Variants in SKIC3 observed in about 807,000 individuals in gnomAD.
SKIC3 encodes SKI3 subunit of superkiller complex.
the SKIC3 span, among the ~76,000 whole-genome samples, chr5:95,554,685 G>C: frequency 2.6e-5 from 4 of 152,158 alleles, no homozygotes; most frequent in African/African-American, 4.8e-5. Context: ...AAGGTATTCG[G>C]GGGGGTCTAA....
chr5:95,479,718 G>C, the SKIC3 span, among the ~76,000 whole-genome samples: 1 of 143,858 alleles, frequency 7.0e-6, no homozygotes, highest in Non-Finnish European at 1.5e-5. Flanking sequence ...TGTGTGTATA[G>C]TTCATTACTA....
At chr5:95,533,633 ACT>A in the SKIC3 span, among the ~76,000 whole-genome samples, 1 of 151,904 alleles carries the variant, frequency 6.6e-6, no homozygotes, top group Non-Finnish European at 1.5e-5. Context: ...CCACATATAC[ACT>A]CTTTTTGCTG....
chr5:95,554,127 C>T, the SKIC3 span, among the ~76,000 whole-genome samples: 1 of 152,202 alleles, frequency 6.6e-6, no homozygotes, highest in East Asian at 1.9e-4. Context: ...GCAGCAGATG[C>T]TCAGTAAATG....
the SKIC3 span, chr5:95,494,679 C>T: frequency 1.2e-5 from 19 of 1,612,466 alleles, no homozygotes; most frequent in Admixed American, 3.3e-5. Context: ...ATATTATATG[C>T]ACCTGGAGAA....
At chr5:95,467,852 A>C in the SKIC3 span, 1 of 1,613,384 alleles carries the variant, frequency 6.2e-7, no homozygotes, top group Admixed American at 1.7e-5. Flanking sequence ...TTTTAAATAA[A>C]ATCAATGCCT....
At chr5:95,470,257 C>T in the SKIC3 span, among the ~76,000 whole-genome samples, 8 of 152,104 alleles carry the variant, frequency 5.3e-5, no homozygotes, top group Non-Finnish European at 1.0e-4. Context: ...GGATTACAGG[C>T]GTGAGCCACC....
the SKIC3 span, among the ~76,000 whole-genome samples, chr5:95,540,383 T>G: frequency 2.6e-5 from 4 of 151,442 alleles, no homozygotes; most frequent in Non-Finnish European, 5.9e-5. Flanking sequence ...TGCACCAAAA[T>G]CTCACAAATC....
At chr5:95,468,823 G>A in the SKIC3 span, among the ~76,000 whole-genome samples, 7 of 152,148 alleles carry the variant, frequency 4.6e-5, no homozygotes, top group Admixed American at 4.6e-4. Context: ...TTGGGGTAGG[G>A]GGTGAAGGGG....
chr5:95,524,675 ACAAT>A, the SKIC3 span: 3 of 1,582,566 alleles, frequency 1.9e-6, no homozygotes, highest in African/African-American at 2.7e-5. Flanking sequence ...CCTAGTTGGA[ACAAT>A]CAAAGTTTGA....
chr5:95,495,097 T>C, the SKIC3 span: 1 of 1,367,614 alleles, frequency 7.3e-7, no homozygotes, highest in Middle Eastern at 1.8e-4. Flanking sequence ...ATAAGACCTT[T>C]CCACTAAATC....
chr5:95,512,647 T>C, the SKIC3 span: 1 of 1,613,422 alleles, frequency 6.2e-7, no homozygotes, highest in Non-Finnish European at 8.5e-7. Context: ...TAAGCAGACA[T>C]AGGATAATAA....
the SKIC3 span, chr5:95,525,428 G>C: frequency 6.2e-7 from 1 of 1,613,810 alleles, no homozygotes; most frequent in East Asian, 2.2e-5. Flanking sequence ...GTCCTTTTTG[G>C]TGAAATGAAT....
the SKIC3 span, among the ~76,000 whole-genome samples, chr5:95,497,733 TAAGAA>T: frequency 6.6e-6 from 1 of 152,026 alleles, no homozygotes; most frequent in African/African-American, 2.4e-5. Context: ...ATGAGATAAT[TAAGAA>T]AAGTTAAGGA....
chr5:95,506,429 T>C, the SKIC3 span, among the ~76,000 whole-genome samples: 2 of 152,204 alleles, frequency 1.3e-5, no homozygotes, highest in African/African-American at 4.8e-5. Flanking sequence ...GTCCTAGTTC[T>C]ACCCTCTAAA....
the SKIC3 span, among the ~76,000 whole-genome samples, chr5:95,533,304 G>A: frequency 6.6e-6 from 1 of 152,112 alleles, no homozygotes; most frequent in South Asian, 2.1e-4. Context: ...TCTCAGTGGA[G>A]GAGAACCCAG....
the SKIC3 span, chr5:95,522,448 A>C: frequency 1.0e-6 from 1 of 985,434 alleles, no homozygotes; most frequent in Non-Finnish European, 1.4e-6. Flanking sequence ...AAAGCAGATA[A>C]ATTTGTTCCT....
the SKIC3 span, chr5:95,512,408 T>C: frequency 6.5e-7 from 1 of 1,531,648 alleles, no homozygotes; most frequent in South Asian, 1.2e-5. Context: ...CATGAATTAA[T>C]TTTAAAAATT....
the SKIC3 span, among the ~76,000 whole-genome samples, chr5:95,510,575 T>G: frequency 6.6e-6 from 1 of 152,216 alleles, no homozygotes; most frequent in Non-Finnish European, 1.5e-5. Flanking sequence ...CTGGCTCATC[T>G]GATCTTGTGG....
chr5:95,506,968 TGTAA>T, the SKIC3 span: 2 of 1,613,524 alleles, frequency 1.2e-6, no homozygotes, highest in African/African-American at 2.7e-5. Flanking sequence ...ATTGCAACAT[TGTAA>T]GTATCTTGGT....
Sources: gnomAD v4.1 joint callset for allele counts (sites outside exome capture counted in the v4.1 genomes callset) on GRCh38, gnomAD v4.1.1 for gene constraint, MANE v1.5 for transcripts, NCBI Gene and HGNC (gene_info 2026-07-23, HGNC 2026-07-21) for gene names.